CLEC19A: variants seen among roughly 807,000 people sequenced by gnomAD.
CLEC19A encodes C-type lectin domain containing 19A, also known as C-type lectin domain family 19 member A.
A neutral mutation model predicts 26.1 loss-of-function variants in CLEC19A; 21 were observed. That is an observed-to-expected ratio of 0.80 (90% CI 0.57 to 1.16). The LOEUF (loss-of-function observed/expected upper bound fraction) is 1.16, where lower values mean the gene tolerates loss of function less well. Ranked by LOEUF, CLEC19A falls within the 50% of genes most tolerant of loss-of-function variation. The pLI is 0.00. For missense variants in CLEC19A, 224 were observed against 227.6 expected (o/e 0.98, Z 0.10); for synonymous variants, 89 against 88.6 (o/e 1.00, Z -0.03).
At chr16:19,302,663 G>A (rs912218224) in intron 2 of CLEC19A, among the ~76,000 whole-genome samples, 3 of 152,184 alleles carry the variant, frequency 2.0e-5, no homozygotes, top group Admixed American at 1.3e-4. Flanking sequence ...TGTCATCTGG[G>A]CCTGTGAATG....
intron 1 of CLEC19A, among the ~76,000 whole-genome samples, chr16:19,291,255 AC>A (rs1311021135): frequency 1.3e-5 from 2 of 152,192 alleles, no homozygotes; most frequent in African/African-American, 4.8e-5. Flanking sequence ...ACTGCCTGAG[AC>A]CAAGTAGGTG....
At chr16:19,290,924 G>A (rs1011859660) in intron 1 of CLEC19A, among the ~76,000 whole-genome samples, 4 of 152,026 alleles carry the variant, frequency 2.6e-5, no homozygotes, top group African/African-American at 9.7e-5. Flanking sequence ...CTGCAGCCTG[G>A]AACTTCTGGG....
chr16:19,288,082 C>G (rs1183181623), intron 1 of CLEC19A, among the ~76,000 whole-genome samples: 1 of 152,150 alleles, frequency 6.6e-6, no homozygotes, highest in Non-Finnish European at 1.5e-5. Flanking sequence ...TCCACTCAGC[C>G]CAACCTTTCC....
At chr16:19,303,942 G>T (rs573653915) in intron 2 of CLEC19A, 120 bp from the exon 3 acceptor site, 4 of 776,194 alleles carry the variant, frequency 5.2e-6, no homozygotes, top group Non-Finnish European at 8.1e-6. Context: ...AGGCCGAATT[G>T]GATCATATCC....
At chr16:19,297,981 C>T (rs867899183) in intron 1 of CLEC19A, among the ~76,000 whole-genome samples, 4 of 152,064 alleles carry the variant, frequency 2.6e-5, no homozygotes, top group African/African-American at 9.7e-5. Context: ...GGTGCGGTGG[C>T]TCACGTCTTC....
At chr16:19,298,532 C>G in intron 1 of CLEC19A, 141 bp from the exon 2 acceptor site, 1 of 861,460 alleles carries the variant, frequency 1.2e-6, no homozygotes. Flanking sequence ...AACCACTGCA[C>G]TTCAGCCTGG....
chr16:19,307,512 G>C, intron 3 of CLEC19A, 33 bp from the exon 4 acceptor site: 1 of 1,545,734 alleles, frequency 6.5e-7, no homozygotes, highest in Non-Finnish European at 8.7e-7. Flanking sequence ...TTCTTGGCTT[G>C]CTTCTTTGTC....
intron 3 of CLEC19A, among the ~76,000 whole-genome samples, chr16:19,307,139 T>C (rs1897973760): frequency 6.6e-6 from 1 of 152,092 alleles, no homozygotes; most frequent in Admixed American, 6.5e-5. Context: ...TGGCAAAGTG[T>C]AGTAGTTAGG....
rs919403658 is a variant in CLEC19A at position 19,309,661 on chromosome 16, T to C, written c.*578T>C. 6 of 152,740 alleles carry C rather than the reference T, an allele frequency of 3.9e-5. No homozygotes were observed. Among genetic ancestry groups the C allele is most frequent in the African/African-American group, 1.4e-4 (6 of 41,538 alleles). 9.5% of individuals were successfully genotyped at this position (152,740 alleles called of 1,614,324 possible). On this transcript the variant is annotated 3_prime_UTR_variant, in exon 5 of 5. Transcript: ENST00000636231. ...TTTTTTTTGAGACAGAGTCTCACTC[T>C]GTTGCCCAGGCTGAAGTGCAATGAT...
intron 1 of CLEC19A, 126 bp from the exon 2 acceptor site, chr16:19,298,547 C>A: frequency 1.0e-6 from 1 of 1,004,470 alleles, no homozygotes; most frequent in Non-Finnish European, 1.4e-6. Context: ...GCCTGGGCAA[C>A]AGAACGAGAC....
intron 3 of CLEC19A, among the ~76,000 whole-genome samples, chr16:19,306,594 CTAA>C (rs369678865): frequency 1.3e-5 from 2 of 151,718 alleles, no homozygotes; most frequent in Non-Finnish European, 2.9e-5. Context: ...ATTGAAAGAC[CTAA>C]TAATAATAAT....
chr16:19,298,684 C>T lies in CLEC19A; in HGVS notation c.100C>T (p.Leu34=), dbSNP rs1176184509. The change falls in exon 2 of 5, where the codon CTG becomes TTG. Residue 34 remains leucine, a synonymous_variant. Transcript: ENST00000636231. The part of the protein sequence containing the change: ...DISISPALPE[L]PLPSLCPLFW... ...CTTTCTGCCCCCAGCCCTGCCAGAG[C>T]TGCCCCTGCCTTCCCTGTGCCCCCT... is the stretch of plus-strand genomic sequence containing the variant. The T allele has an allele frequency of 6.4e-6, 10 of 1,551,122 alleles. No homozygotes were observed. The South Asian group carries it at 1.2e-4, about 18-fold the overall frequency.
rs1164614460 is a variant in CLEC19A, at chr16:19,296,820, AG to A, written c.89-1850del. Reference sequence around the variant, plus strand: ...GGCTTGAAGGCAAAGATTCCACTAAAGGGTGACCTTCACCCACCCCTGAGTG... The same window carrying A: ...GGCTTGAAGGCAAAGATTCCACTAAAGGTGACCTTCACCCACCCCTGAGTG... On this transcript the variant is annotated intron_variant, in intron 1 of 4. Coordinates refer to ENST00000636231, the MANE Select transcript of CLEC19A (RefSeq NM_001256720.2). Among the ~76,000 whole-genome samples, 3 of 152,204 alleles carry A rather than the reference AG, an allele frequency of 2.0e-5. No homozygotes were observed. In the East Asian group the frequency reaches 5.8e-4, roughly 29 times the overall value.
chr16:19,298,284 C>T (rs1324706681), intron 1 of CLEC19A, among the ~76,000 whole-genome samples: 2 of 147,890 alleles, frequency 1.4e-5, no homozygotes, highest in Non-Finnish European at 3.0e-5. Context: ...GGCTCGGTGG[C>T]TCACGCCTGC....
At chr16:19,301,116 G>T (rs1897809979) in intron 2 of CLEC19A, among the ~76,000 whole-genome samples, 1 of 152,202 alleles carries the variant, frequency 6.6e-6, no homozygotes, top group Non-Finnish European at 1.5e-5. Flanking sequence ...AGAGGAAAAT[G>T]AGATATATTC....
chr16:19,295,051 A>C (rs151235881), intron 1 of CLEC19A, among the ~76,000 whole-genome samples: 96 of 152,234 alleles, frequency 6.3e-4, no homozygotes, highest in African/African-American at 2.0e-3. Flanking sequence ...CACCACTTCC[A>C]GTGGTGATAA....
At chr16:19,304,010 C>T in intron 2 of CLEC19A, 52 bp from the exon 3 acceptor site, 1 of 1,428,472 alleles carries the variant, frequency 7.0e-7, no homozygotes, top group Non-Finnish European at 9.6e-7. Context: ...TTGACTCCAT[C>T]CTATGAAAAG....
intron 2 of CLEC19A, among the ~76,000 whole-genome samples, chr16:19,303,187 T>C (rs1267244130): frequency 1.3e-5 from 2 of 152,206 alleles, no homozygotes; most frequent in Non-Finnish European, 2.9e-5. Flanking sequence ...ATGAAGTCAG[T>C]GCTCAAGAAA....
At chr16:19,300,631 A>C (rs542038369) in intron 2 of CLEC19A, among the ~76,000 whole-genome samples, 1 of 152,082 alleles carries the variant, frequency 6.6e-6, no homozygotes, top group East Asian at 1.9e-4. Flanking sequence ...CCTCCAACAG[A>C]TGTATTGAAC....
Sources: gnomAD v4.1 joint callset for allele counts (sites outside exome capture counted in the v4.1 genomes callset) on GRCh38, gnomAD v4.1.1 for gene constraint, MANE v1.5 for transcripts, NCBI Gene and HGNC (gene_info 2026-07-23, HGNC 2026-07-21) for gene names.